Variants in COL5A1 observed in about 807,000 individuals in gnomAD.
COL5A1 encodes collagen alpha-1(V) chain.
In COL5A1, 16 loss-of-function variants were observed where a neutral mutation model predicts 263.7. That is an observed-to-expected ratio of 0.06 (90% CI 0.04 to 0.09). The LOEUF is 0.09. Ranked by LOEUF, COL5A1 falls within the 10% of genes least tolerant of loss-of-function variation. The probability of loss-of-function intolerance (pLI) is 1.00; values close to 1 mark genes in which losing one functional copy is unlikely to be tolerated. For synonymous variants in COL5A1, 1,012 were observed against 1,004.5 expected, an observed-to-expected ratio of 1.01 and a Z score of -0.14; for missense variants, 2,036 against 2,540.5, an observed-to-expected ratio of 0.80 and a Z score of 4.27.
At chr9:134,800,272 C>T (rs990964407) in intron 37 of COL5A1, among the ~76,000 whole-genome samples, 2 of 150,568 alleles carry the variant, frequency 1.3e-5, no homozygotes, top group East Asian at 1.9e-4. Context: ...ACCAAGGCTC[C>T]GATCTCCCTT....
At chr9:134,839,234 A>T (rs1839943830) in intron 65 of COL5A1, among the ~76,000 whole-genome samples, 1 of 152,218 alleles carries the variant, frequency 6.6e-6, no homozygotes. Flanking sequence ...ACCCCGCCGC[A>T]TAAATCCTGG....
At chr9:134,806,807 G>A (rs1461791180) in intron 42 of COL5A1, among the ~76,000 whole-genome samples, 1 of 152,202 alleles carries the variant, frequency 6.6e-6, no homozygotes, top group Non-Finnish European at 1.5e-5. Flanking sequence ...GGGGGCAGGT[G>A]TAGAGAGCAG....
chr9:134,753,839 T>C lies in COL5A1; in HGVS notation c.1720-11T>C. On this transcript the variant is annotated splice_polypyrimidine_tract_variant and intron_variant, in intron 14 of 65. Coordinates refer to ENST00000371817, the MANE Select transcript of COL5A1 (RefSeq NM_000093.5). ...CTCGAGCAGACATTAACACACACCA[T>C]GTCTCCCTAGGGTCCCCCTGGGAGC... The C allele has an allele frequency of 7.3e-7, 1 of 1,374,954 alleles. No individual in the cohort carries two copies. Among genetic ancestry groups the C allele is most frequent in the South Asian group, 1.1e-5 (1 of 87,972 alleles). 85.2% of individuals were successfully genotyped at this position (1,374,954 alleles called of 1,614,324 possible). A position where few individuals can be genotyped will look rare whatever the true frequency, so the allele number is the denominator to read the frequency against.
chr9:134,817,837 G>A lies in COL5A1; in HGVS notation c.4230+6G>A, dbSNP rs77176843. On this transcript the variant is annotated splice_donor_region_variant and intron_variant, in intron 54 of 65. Transcript: ENST00000371817. ...AGGGAGAGAAAGGGGCCAAGGTAAC[G>A]TGTTTTGGAGCCAGGCTGTGACCGC... The A allele has an allele frequency of 0.034, 55,159 of 1,601,504 alleles. 1,179 individuals carry two copies. Among genetic ancestry groups the A allele is most frequent in the Non-Finnish European group, 0.042 (48,758 of 1,173,696 alleles).
intron 60 of COL5A1, 51 bp downstream of exon 60, chr9:134,823,084 C>A: frequency 6.3e-7 from 1 of 1,598,194 alleles, no homozygotes; most frequent in Non-Finnish European, 8.6e-7. Context: ...TAGGGGAGGG[C>A]GACGGGTCCC....
rs530570306 is a variant in COL5A1 at position 134,823,429 on chromosome 9, C to T, written c.4658C>T (p.Pro1553Leu). Residue 1553 changes from proline (P) to leucine (L), a missense_variant, in exon 61 of 66, where the codon CCG becomes CTG. Physicochemically the swap from Pro to Leu is moderately conservative, Grantham distance 98. Coordinates refer to ENST00000371817, the MANE Select transcript of COL5A1 (RefSeq NM_000093.5). ...GAKGSSGPTGPKGEAGHPGPP... is the reference protein window; with the variant it reads ...GAKGSSGPTGLKGEAGHPGPP... Reference sequence around the variant, plus strand: ...CTTTCTCCCCAGGGTCCAACTGGCCCGAAGGGTGAGGCAGGCCACCCAGGA... The same window carrying T: ...CTTTCTCCCCAGGGTCCAACTGGCCTGAAGGGTGAGGCAGGCCACCCAGGA... 6.1e-5 allele frequency: 98 copies of T among 1,614,184 alleles called. No homozygotes were observed. The highest frequency in any genetic ancestry group is 1.4e-4 in the South Asian group (13 of 91,086).
intron 42 of COL5A1, among the ~76,000 whole-genome samples, chr9:134,808,521 GCTT>G (rs1838381949): frequency 3.3e-5 from 5 of 152,180 alleles, no homozygotes; most frequent in South Asian, 2.1e-4. Flanking sequence ...ATGTCAGTGT[GCTT>G]CTTTATATGT....
chr9:134,840,508 A>G (rs1385948643), intron 65 of COL5A1, among the ~76,000 whole-genome samples: 1 of 152,110 alleles, frequency 6.6e-6, no homozygotes, highest in African/African-American at 2.4e-5. Flanking sequence ...TAGCCCCCCA[A>G]ATTTAGCAGC....
At chr9:134,808,639 T>C (rs774967222) in intron 42 of COL5A1, among the ~76,000 whole-genome samples, 6 of 152,220 alleles carry the variant, frequency 3.9e-5, no homozygotes, top group African/African-American at 1.2e-4. Context: ...TGCATGTGCA[T>C]GCATGCATAC....
At chr9:134,744,867 A>T (rs181952159) in intron 11 of COL5A1, among the ~76,000 whole-genome samples, 587 of 150,696 alleles carry the variant, frequency 3.9e-3, no homozygotes, top group Middle Eastern at 0.021. Flanking sequence ...ACATTTACAC[A>T]CATGCACTCA....
At chr9:134,744,145 G>A (rs1835387664) in intron 11 of COL5A1, among the ~76,000 whole-genome samples, 1 of 152,164 alleles carries the variant, frequency 6.6e-6, no homozygotes, top group Admixed American at 6.5e-5. Context: ...AAGCAGCATG[G>A]GATTCATTTG....
At chr9:134,673,945 C>G (rs970682607) in intron 1 of COL5A1, among the ~76,000 whole-genome samples, 1 of 152,112 alleles carries the variant, frequency 6.6e-6, no homozygotes, top group Admixed American at 6.5e-5. Flanking sequence ...AGAGGCGTGC[C>G]AACATGCATC....
At chr9:134,767,897 A>G (rs950589200) in intron 24 of COL5A1, among the ~76,000 whole-genome samples, 4 of 152,188 alleles carry the variant, frequency 2.6e-5, no homozygotes, top group Admixed American at 6.5e-5. Flanking sequence ...TTCTGAGTGC[A>G]TGAGAATCCC....
chr9:134,822,056 T>G (rs774791133), intron 58 of COL5A1, 41 bp from the exon 59 acceptor site: 3 of 1,591,038 alleles, frequency 1.9e-6, no homozygotes, highest in Non-Finnish European at 2.6e-6. Context: ...CAGCTCCTCC[T>G]CGTCTGAAGG....
At position 134,780,106 on chromosome 9, in the gene COL5A1, C is replaced by A. The variant is rs745370910; in HGVS notation, c.2390C>A (p.Ala797Asp). ...TTTCTTTTCCCACCCGCACAGGGGGCCGATGGCATCCGTGGTCTGAAGGGC... is the reference window on the plus strand; with the variant it reads ...TTTCTTTTCCCACCCGCACAGGGGGACGATGGCATCCGTGGTCTGAAGGGC... The part of the protein sequence containing the change: ...GYPGPRGVKG[A>D]DGIRGLKGTK... The change falls in exon 28 of 66, where the codon GCC (alanine) becomes GAC (aspartate). Residue 797 changes from alanine to aspartate, a missense_variant. Ala to Asp is a moderately radical substitution (Grantham distance 126). This residue lies in a region of COL5A1 where 1,078 missense variants were observed against 1,521.4 expected (regional missense o/e 0.71). Transcript: ENST00000371817. The A allele has an allele frequency of 6.2e-7, 1 of 1,613,472 alleles. No individual in the cohort carries two copies. Among genetic ancestry groups the A allele is most frequent in the East Asian group, 2.2e-5 (1 of 44,880 alleles).
intron 31 of COL5A1, among the ~76,000 whole-genome samples, chr9:134,786,475 C>A (rs1837463533): frequency 6.6e-6 from 1 of 152,206 alleles, no homozygotes; most frequent in South Asian, 2.1e-4. Flanking sequence ...CTCCTGGAGT[C>A]CCCTGCAGTC....
intron 14 of COL5A1, 61 bp downstream of exon 14, chr9:134,752,706 C>T (rs997382322): frequency 9.6e-6 from 13 of 1,349,704 alleles, no homozygotes; most frequent in East Asian, 4.6e-5. Context: ...CTCCCTGTGT[C>T]GTTGGCGGAC....
intron 2 of COL5A1, among the ~76,000 whole-genome samples, 191 bp from the exon 3 acceptor site, chr9:134,699,718 T>C (rs1833602164): frequency 6.6e-6 from 1 of 152,216 alleles, no homozygotes; most frequent in South Asian, 2.1e-4. Flanking sequence ...GGGGCAGGTT[T>C]GGCCAAGTGG....
At chr9:134,673,408 C>T (rs982433902) in intron 1 of COL5A1, among the ~76,000 whole-genome samples, 1 of 148,480 alleles carries the variant, frequency 6.7e-6, no homozygotes, top group South Asian at 2.1e-4. Flanking sequence ...TGCAGTGAGC[C>T]GAGATCACGC....
Sources: gnomAD v4.1 joint callset for allele counts (sites outside exome capture counted in the v4.1 genomes callset) on GRCh38, gnomAD v4.1.1 for gene constraint, gnomAD v4.1.1 regional missense constraint, MANE v1.5 for transcripts, NCBI Gene and HGNC (gene_info 2026-07-23, HGNC 2026-07-21) for gene names.